Variants in GTF2E2 observed in about 807,000 individuals in gnomAD.
The protein encoded by GTF2E2 is general transcription factor IIE subunit 2, also known as transcription initiation factor IIE subunit beta.
GTF2E2 carries 21 observed loss-of-function variants against 40.5 expected under a neutral mutation model. The ratio of observed to expected loss-of-function variants is 0.52; its 90% confidence interval spans 0.37 to 0.75. The LOEUF (loss-of-function observed/expected upper bound fraction) is 0.75. GTF2E2 is among the 30% of genes least tolerant of loss of function. GTF2E2 has a pLI of 0.00. For missense variants in GTF2E2, 298 were observed against 338.4 expected (o/e 0.88, Z 0.94); for synonymous variants, 117 against 121.6 (o/e 0.96, Z 0.25).
At chr8:30,646,738 T>C (rs1802090079) in intron 2 of GTF2E2, among the ~76,000 whole-genome samples, 1 of 152,042 alleles carries the variant, frequency 6.6e-6, no homozygotes, top group Non-Finnish European at 1.5e-5. Flanking sequence ...TCCCAGCACT[T>C]TGGGAGGCCA....
intron 6 of GTF2E2, among the ~76,000 whole-genome samples, chr8:30,581,090 T>A (rs1828504098): frequency 6.6e-6 from 1 of 152,230 alleles, no homozygotes; most frequent in African/African-American, 2.4e-5. Context: ...ACATCTTACA[T>A]TCTGCTCCTG....
chr8:30,654,589 G>C (rs996622825), intron 1 of GTF2E2, among the ~76,000 whole-genome samples: 5 of 152,194 alleles, frequency 3.3e-5, no homozygotes, highest in Non-Finnish European at 7.4e-5. Context: ...AAACTTTTTA[G>C]AGACAAGGTC....
At position 30,655,473 on chromosome 8, in the gene GTF2E2, T is replaced by C. The variant is rs146512880; in HGVS notation, c.-4-1871A>G. On this transcript the variant is annotated intron_variant, in intron 1 of 7. Coordinates refer to ENST00000355904, the MANE Select transcript of GTF2E2 (RefSeq NM_002095.6). ...TAGTGTCAGCTGGGAGGAAAAAGAC[T>C]CATACTTTGAAAGCTTTTAAGCACA... Among the ~76,000 whole-genome samples, 426 of 152,304 alleles carry C rather than the reference T, an allele frequency of 2.8e-3. 2 individuals are homozygous for C. Among genetic ancestry groups the C allele is most frequent in the African/African-American group, 9.6e-3 (399 of 41,558 alleles).
At chr8:30,599,580 C>CA (rs11374248) in intron 6 of GTF2E2, among the ~76,000 whole-genome samples, 57,350 of 113,448 alleles carry the variant, frequency 0.51, 11,447 homozygotes, top group South Asian at 0.62. Flanking sequence ...GTTTGTCTCA[C>CA]AAAAAAAAAA....
intron 3 of GTF2E2, among the ~76,000 whole-genome samples, chr8:30,622,473 T>TCACAGGAC (rs1028883488): frequency 2.6e-5 from 4 of 151,886 alleles, no homozygotes; most frequent in African/African-American, 9.7e-5. Context: ...CAGGGCGAGA[T>TCACAGGAC]CACAGGACCA....
chr8:30,610,467 A>C (rs1394814707), intron 5 of GTF2E2, among the ~76,000 whole-genome samples: 1 of 150,066 alleles, frequency 6.7e-6, no homozygotes, highest in African/African-American at 2.4e-5. Context: ...AAAAAAGGCT[A>C]CATTAATCAA....
At chr8:30,623,915 T>G (rs1324769402) in intron 3 of GTF2E2, among the ~76,000 whole-genome samples, 1 of 151,932 alleles carries the variant, frequency 6.6e-6, no homozygotes, top group Admixed American at 6.6e-5. Flanking sequence ...ATATCAGCCC[T>G]TTGTCAGATG....
At chr8:30,581,778 G>A (rs923715061) in intron 6 of GTF2E2, among the ~76,000 whole-genome samples, 1 of 152,104 alleles carries the variant, frequency 6.6e-6, no homozygotes, top group African/African-American at 2.4e-5. Context: ...TGAGAGCAGG[G>A]AGCTCTATTT....
chr8:30,604,404 T>C (rs1665209261), intron 6 of GTF2E2, among the ~76,000 whole-genome samples: 1 of 152,190 alleles, frequency 6.6e-6, no homozygotes, highest in Non-Finnish European at 1.5e-5. Flanking sequence ...ACTTCTGCAT[T>C]ATCTTCCTGA....
intron 3 of GTF2E2, among the ~76,000 whole-genome samples, chr8:30,630,351 G>A (rs1309848726): frequency 6.6e-6 from 1 of 152,054 alleles, no homozygotes; most frequent in Non-Finnish European, 1.5e-5. Context: ...CCAAAGTTAT[G>A]ACTATCTGCT....
At chr8:30,615,434 T>A (rs956953933) in intron 3 of GTF2E2, among the ~76,000 whole-genome samples, 1 of 152,134 alleles carries the variant, frequency 6.6e-6, no homozygotes, top group Non-Finnish European at 1.5e-5. Flanking sequence ...CACAGAAAAG[T>A]GACTTATGGT....
At chr8:30,579,597 C>T (rs1007555296) in intron 7 of GTF2E2, among the ~76,000 whole-genome samples, 6 of 152,106 alleles carry the variant, frequency 3.9e-5, no homozygotes. Context: ...CCTAAAAATT[C>T]ACCAAACACA....
chr8:30,589,158 G>A (rs1207925691), intron 6 of GTF2E2, among the ~76,000 whole-genome samples: 2 of 152,192 alleles, frequency 1.3e-5, no homozygotes, highest in Non-Finnish European at 2.9e-5. Flanking sequence ...TCAGGAGGCT[G>A]AGGCAGGAGA....
At chr8:30,626,470 C>T (rs999004640) in intron 3 of GTF2E2, among the ~76,000 whole-genome samples, 5 of 152,074 alleles carry the variant, frequency 3.3e-5, no homozygotes, top group Non-Finnish European at 5.9e-5. Flanking sequence ...GATGACAGAG[C>T]GAGACTCTGT....
intron 2 of GTF2E2, 31 bp from the exon 3 acceptor site, chr8:30,635,154 T>C (rs756760633): frequency 1.7e-6 from 2 of 1,206,494 alleles, no homozygotes; most frequent in Non-Finnish European, 2.4e-6. Context: ...AACATCGTCA[T>C]ATTATGTGTG....
chr8:30,631,667 G>A (rs1177878441), intron 3 of GTF2E2, among the ~76,000 whole-genome samples: 2 of 152,158 alleles, frequency 1.3e-5, no homozygotes, highest in Non-Finnish European at 2.9e-5. Context: ...CTGTCATACT[G>A]AGTAGTTTGA....
intron 6 of GTF2E2, among the ~76,000 whole-genome samples, chr8:30,600,266 A>G (rs144920261): frequency 3.2e-4 from 48 of 152,336 alleles, no homozygotes; most frequent in South Asian, 8.3e-4. Flanking sequence ...ACACAAAACT[A>G]TAAAACCAGT....
intron 4 of GTF2E2, among the ~76,000 whole-genome samples, chr8:30,612,951 C>A (rs1295060093): frequency 6.6e-6 from 1 of 152,200 alleles, no homozygotes; most frequent in East Asian, 1.9e-4. Flanking sequence ...GGCCTAAAAT[C>A]CTGGACATCC....
chr8:30,607,262 C>T, intron 5 of GTF2E2, 112 bp from the exon 6 acceptor site: 1 of 487,360 alleles, frequency 2.1e-6, no homozygotes, highest in South Asian at 4.1e-5. Context: ...CTCAGTATAC[C>T]ACCATAGGGT....
Sources: allele counts gnomAD v4.1 joint callset (sites outside exome capture counted in the v4.1 genomes callset), GRCh38; gene constraint gnomAD v4.1.1; transcripts MANE v1.5; gene names NCBI Gene and HGNC (gene_info 2026-07-23, HGNC 2026-07-21).